PRIM2: variants seen among roughly 807,000 people sequenced by gnomAD.
PRIM2 encodes DNA primase large subunit.
PRIM2 carries 39 observed loss-of-function variants against 67.3 expected under a neutral mutation model. The observed-to-expected ratio is 0.58, with a 90% CI of 0.45 to 0.76. The LOEUF is 0.76. Ranked by LOEUF, PRIM2 falls within the 30% of genes least tolerant of loss-of-function variation. PRIM2 has a pLI of 0.00. For missense variants in PRIM2, 398 were observed against 598.7 expected, an observed-to-expected ratio of 0.66 and a Z score of 3.50; for synonymous variants, 143 against 198.7, an observed-to-expected ratio of 0.72 and a Z score of 2.36.
At chr6:57,556,174 C>T (rs1417830280) in intron 10 of PRIM2, among the ~76,000 whole-genome samples, 2 of 152,224 alleles carry the variant, frequency 1.3e-5, no homozygotes, top group African/African-American at 2.4e-5. Context: ...ACATCCCATA[C>T]TCACAGATAG....
At chr6:57,340,456 C>T (rs1305216485) in intron 5 of PRIM2, among the ~76,000 whole-genome samples, 1 of 152,038 alleles carries the variant, frequency 6.6e-6, no homozygotes, top group Non-Finnish European at 1.5e-5. Flanking sequence ...GGAACCAACC[C>T]AAATGTCCAA....
At position 57,606,413 on chromosome 6, in the gene PRIM2, C is replaced by T; in HGVS notation, c.1186C>T (p.Gln396Ter). Residue 396 changes from glutamine (Q) to a stop codon, truncating the protein, a stop_gained, in exon 12 of 14, where the codon CAA (glutamine) becomes TAA (stop). Coordinates refer to ENST00000615550, the MANE Select transcript of PRIM2 (RefSeq NM_000947.5). LOFTEE classifies it high-confidence loss of function. ...TCACAGTGATCCAGAGCTGCTGAAG[C>T]AAAAGTTGCAGTCATACAAGATCTC... ...FRHSDPELLKQKLQSYKISPG... is the reference protein window; with the variant it reads ...FRHSDPELLK 5 of 1,598,938 alleles carry T rather than the reference C, an allele frequency of 3.1e-6. No individual in the cohort carries two copies. Among genetic ancestry groups the T allele is most frequent in the Non-Finnish European group, 4.3e-6 (5 of 1,171,826 alleles).
intron 7 of PRIM2, among the ~76,000 whole-genome samples, chr6:57,500,260 G>A (rs1459355349): frequency 1.3e-5 from 2 of 152,104 alleles, no homozygotes; most frequent in East Asian, 3.9e-4. Flanking sequence ...TGACCTCTTT[G>A]CCTCTAGTTT....
chr6:57,335,003 C>T (rs369205508), intron 5 of PRIM2, among the ~76,000 whole-genome samples: 13 of 152,162 alleles, frequency 8.5e-5, no homozygotes, highest in South Asian at 4.1e-4. Context: ...AGTGGGTGCG[C>T]GCACCGTGCA....
At chr6:57,326,108 A>G in intron 5 of PRIM2, 63 bp downstream of exon 5, 2 of 1,578,490 alleles carry the variant, frequency 1.3e-6, no homozygotes, top group Non-Finnish European at 1.7e-6. Flanking sequence ...TTCTGTCTTA[A>G]GTGCTGGTAC....
intron 5 of PRIM2, among the ~76,000 whole-genome samples, chr6:57,330,559 G>C (rs1768026602): frequency 6.6e-6 from 1 of 151,642 alleles, no homozygotes; most frequent in African/African-American, 2.4e-5. Context: ...TTCATTATGA[G>C]ATTATGTTTA....
intron 7 of PRIM2, among the ~76,000 whole-genome samples, chr6:57,503,579 T>A (rs1774187966): frequency 6.6e-6 from 1 of 152,056 alleles, no homozygotes; most frequent in African/African-American, 2.4e-5. Flanking sequence ...TGAAACCCCA[T>A]CTCTATTAAA....
the PRIM2 span, among the ~76,000 whole-genome samples, chr6:57,256,407 C>G: frequency 6.6e-6 from 1 of 152,062 alleles, no homozygotes; most frequent in South Asian, 2.1e-4. Context: ...TTTAAAAATA[C>G]TTTAAATCAT....
At chr6:57,350,947 A>G (rs1454653530) in intron 5 of PRIM2, among the ~76,000 whole-genome samples, 2 of 151,390 alleles carry the variant, frequency 1.3e-5, no homozygotes, top group Admixed American at 6.6e-5. Context: ...GCAGTTTGTC[A>G]TGGGAAAGAG....
Position 57,627,603 on chromosome 6 carries a change from G to A in PRIM2, c.1231-4530G>A, listed in dbSNP as rs1371734667. ...GGGGTTTCCCCATGTTGGCCAGACTGGTCTTGAACTCCTGACCTCATGATC... is the reference window on the plus strand; with the variant it reads ...GGGGTTTCCCCATGTTGGCCAGACTAGTCTTGAACTCCTGACCTCATGATC... On this transcript the variant is annotated intron_variant, in intron 12 of 13. Transcript: ENST00000615550. 1.3e-3 allele frequency among the ~76,000 whole-genome samples: 203 copies of A among 152,044 alleles called. 4 individuals carry two copies. In the East Asian group the frequency reaches 0.018, roughly 13 times the overall value.
intron 5 of PRIM2, among the ~76,000 whole-genome samples, chr6:57,378,069 T>C (rs1478223529): frequency 1.3e-5 from 2 of 150,394 alleles, no homozygotes; most frequent in East Asian, 1.9e-4. Context: ...TCTTCTTCTT[T>C]TTTTTTTTTT....
chr6:57,246,352 T>G, the PRIM2 span, among the ~76,000 whole-genome samples: 12 of 152,362 alleles, frequency 7.9e-5, no homozygotes, highest in Admixed American at 7.8e-4. Flanking sequence ...AATACTATTC[T>G]ACCTACGCTA....
intron 7 of PRIM2, among the ~76,000 whole-genome samples, chr6:57,456,811 C>T (rs571418270): frequency 6.6e-6 from 1 of 152,188 alleles, no homozygotes; most frequent in Non-Finnish European, 1.5e-5. Context: ...CTCCATCCAG[C>T]TTTGTTCTGT....
chr6:57,624,722 T>C (rs1776917105), intron 12 of PRIM2, among the ~76,000 whole-genome samples: 1 of 152,226 alleles, frequency 6.6e-6, no homozygotes, highest in Non-Finnish European at 1.5e-5. Flanking sequence ...ACATTGGGAA[T>C]ATAATGATGA....
At chr6:57,571,373 G>T (rs1357486032) in intron 10 of PRIM2, among the ~76,000 whole-genome samples, 4 of 152,126 alleles carry the variant, frequency 2.6e-5, no homozygotes, top group Admixed American at 2.0e-4. Flanking sequence ...ATGAAGGCTG[G>T]GCATGGTGGC....
At chr6:57,506,830 A>C (rs1214722753) in intron 7 of PRIM2, among the ~76,000 whole-genome samples, 1 of 152,050 alleles carries the variant, frequency 6.6e-6, no homozygotes, top group Non-Finnish European at 1.5e-5. Flanking sequence ...GCTCAATTTG[A>C]GGTCATATTT....
At chr6:57,418,255 CAA>C (rs1442101844) in intron 7 of PRIM2, among the ~76,000 whole-genome samples, 1 of 151,412 alleles carries the variant, frequency 6.6e-6, no homozygotes. Context: ...GCAAATAGAA[CAA>C]AGTTTATTTT....
At chr6:57,499,494 A>G (rs1554346656) in intron 7 of PRIM2, among the ~76,000 whole-genome samples, 2 of 152,176 alleles carry the variant, frequency 1.3e-5, no homozygotes, top group Non-Finnish European at 2.9e-5. Context: ...CCTGTCTTAT[A>G]TCTGAAGACA....
chr6:57,370,739 C>T (rs1248976105), intron 5 of PRIM2, among the ~76,000 whole-genome samples: 3 of 143,104 alleles, frequency 2.1e-5, no homozygotes, highest in East Asian at 2.1e-4. Flanking sequence ...CTGCCACCTG[C>T]GCTGGAGTGC....
Sources: allele counts gnomAD v4.1 joint callset (sites outside exome capture counted in the v4.1 genomes callset), GRCh38; gene constraint gnomAD v4.1.1; transcripts MANE v1.5; gene names NCBI Gene and HGNC (gene_info 2026-07-23, HGNC 2026-07-21).